Variants in FRMD4A observed in about 807,000 individuals in gnomAD.
The protein encoded by FRMD4A is FERM domain containing 4A, also known as FERM domain-containing protein 4A.
A neutral mutation model predicts 129.1 loss-of-function variants in FRMD4A; 29 were observed. The ratio of observed to expected loss-of-function variants is 0.22; its 90% CI spans 0.17 to 0.31. The LOEUF (loss-of-function observed/expected upper bound fraction) is 0.31. Among genes scored for constraint, FRMD4A ranks in the 10% least tolerant of loss-of-function variants. The probability of loss-of-function intolerance (pLI) is 1.00; values close to 1 mark genes in which losing one functional copy is unlikely to be tolerated. For synonymous variants in FRMD4A, 634 were observed against 571.6 expected (o/e 1.11, Z -1.56); for missense variants, 1,272 against 1,375.8 (o/e 0.92, Z 1.19).
At chr10:14,227,879 A>T (rs1218648916) in intron 2 of FRMD4A, among the ~76,000 whole-genome samples, 3 of 149,642 alleles carry the variant, frequency 2.0e-5, no homozygotes, top group Non-Finnish European at 4.5e-5. Context: ...TCTGGCCAGA[A>T]TTTTTTTTTT....
At chr10:13,968,518 T>C (rs2095498800) in intron 2 of FRMD4A, among the ~76,000 whole-genome samples, 2 of 152,252 alleles carry the variant, frequency 1.3e-5, no homozygotes, top group Admixed American at 1.3e-4. Context: ...AATGGTGCGA[T>C]CTCAGCTCAC....
At chr10:14,241,073 G>A (rs764272167) in intron 2 of FRMD4A, among the ~76,000 whole-genome samples, 2 of 152,108 alleles carry the variant, frequency 1.3e-5, no homozygotes, top group Middle Eastern at 3.2e-3. Flanking sequence ...CTGTTCTGTT[G>A]GCTATTAATT....
chr10:14,326,805 T>C (rs1193091251), intron 2 of FRMD4A: 1 of 398,472 alleles, frequency 2.5e-6, no homozygotes, highest in African/African-American at 2.1e-5. Flanking sequence ...CTACAATTAG[T>C]CACATCAATC....
At chr10:13,675,309 C>T (rs1384011955) in intron 15 of FRMD4A, among the ~76,000 whole-genome samples, 1 of 152,182 alleles carries the variant, frequency 6.6e-6, no homozygotes, top group Non-Finnish European at 1.5e-5. Context: ...TAAGAAATGT[C>T]ACATACCTTT....
chr10:13,849,880 C>T (rs925806065), intron 3 of FRMD4A, among the ~76,000 whole-genome samples: 2 of 151,538 alleles, frequency 1.3e-5, no homozygotes, highest in Non-Finnish European at 1.5e-5. Flanking sequence ...ATAGAGAATC[C>T]AAGTTTAGGC....
intron 3 of FRMD4A, among the ~76,000 whole-genome samples, chr10:13,819,503 A>G (rs1295786976): frequency 6.6e-6 from 1 of 152,056 alleles, no homozygotes; most frequent in Non-Finnish European, 1.5e-5. Context: ...CACTTGGCAC[A>G]TGTGCTCTTG....
chr10:13,785,835 G>A (rs1398561625), intron 5 of FRMD4A, among the ~76,000 whole-genome samples: 1 of 149,316 alleles, frequency 6.7e-6, no homozygotes, highest in Non-Finnish European at 1.5e-5. Context: ...AGTGTTCTCA[G>A]TGTTCAATTG....
chr10:14,016,030 T>G (rs1207080922), intron 2 of FRMD4A, among the ~76,000 whole-genome samples: 1 of 152,202 alleles, frequency 6.6e-6, no homozygotes, highest in Non-Finnish European at 1.5e-5. Flanking sequence ...TAACTTTTGC[T>G]TATTGGAAGA....
At chr10:13,882,652 G>T (rs1369192220) in intron 2 of FRMD4A, among the ~76,000 whole-genome samples, 1 of 152,196 alleles carries the variant, frequency 6.6e-6, no homozygotes, top group Non-Finnish European at 1.5e-5. Flanking sequence ...GCACAGGACA[G>T]ATGCCATGTG....
chr10:13,761,922 C>T (rs1324616803), intron 7 of FRMD4A, among the ~76,000 whole-genome samples: 2 of 152,162 alleles, frequency 1.3e-5, no homozygotes, highest in Non-Finnish European at 2.9e-5. Flanking sequence ...ATGCACATCT[C>T]CACCTCTAAG....
At chr10:13,850,073 G>T (rs1016113637) in intron 3 of FRMD4A, among the ~76,000 whole-genome samples, 3 of 151,932 alleles carry the variant, frequency 2.0e-5, no homozygotes, top group Admixed American at 6.6e-5. Context: ...GGAGGCTGAG[G>T]CAGGAGAAGC....
intron 2 of FRMD4A, among the ~76,000 whole-genome samples, chr10:14,221,338 C>G (rs542354255): frequency 6.6e-6 from 1 of 152,212 alleles, no homozygotes; most frequent in South Asian, 2.1e-4. Flanking sequence ...GGAAGGGAGC[C>G]AAGGGGAGAG....
intron 19 of FRMD4A, among the ~76,000 whole-genome samples, chr10:13,661,789 A>G (rs2134675135): frequency 6.6e-6 from 1 of 152,162 alleles, no homozygotes. Context: ...GGTGGAGGGG[A>G]AAAAAGCACA....
chr10:13,999,187 A>G (rs1456795160), intron 2 of FRMD4A, among the ~76,000 whole-genome samples: 1 of 151,984 alleles, frequency 6.6e-6, no homozygotes, highest in Non-Finnish European at 1.5e-5. Context: ...TGAGAGCCAC[A>G]TTATATAACC....
chr10:13,658,302 G>T (rs2082349284), intron 21 of FRMD4A, among the ~76,000 whole-genome samples: 1 of 152,144 alleles, frequency 6.6e-6, no homozygotes, highest in Non-Finnish European at 1.5e-5. Flanking sequence ...GAAATAGAAG[G>T]TTGGTGGCAA....
At chr10:14,018,993 G>A (rs976462474) in intron 2 of FRMD4A, among the ~76,000 whole-genome samples, 6 of 152,080 alleles carry the variant, frequency 3.9e-5, no homozygotes, top group African/African-American at 1.2e-4. Flanking sequence ...TCAATAACAC[G>A]CACATTTACT....
chr10:13,674,389 G>C (rs2083787321), intron 16 of FRMD4A, among the ~76,000 whole-genome samples: 1 of 152,136 alleles, frequency 6.6e-6, no homozygotes, highest in South Asian at 2.1e-4. Flanking sequence ...ATCATCATTG[G>C]GACTTGTCGC....
At position 13,646,669 on chromosome 10, in the gene FRMD4A, C is replaced by T. The variant is rs1422586096; in HGVS notation, c.*369G>A. The stretch of plus-strand genomic sequence containing the variant: ...GTTCCTGGCCTAGGGGCTGTCATGG[C>T]AGAGGGAAGCCACCAAGGTGCCATT... On this transcript the variant is annotated 3_prime_UTR_variant, in exon 25 of 25. Coordinates refer to ENST00000357447, the MANE Select transcript of FRMD4A (RefSeq NM_018027.5). 6.5e-6 allele frequency: 1 copy of T among 152,798 alleles called. No homozygotes were observed. Among genetic ancestry groups the T allele is most frequent in the East Asian group, 1.9e-4 (1 of 5,198 alleles). The allele number at this position is 152,798 out of a possible 1,614,324, so 9.5% of individuals were successfully genotyped here.
chr10:13,721,168 G>C (rs919831931), intron 12 of FRMD4A, among the ~76,000 whole-genome samples: 2 of 152,114 alleles, frequency 1.3e-5, no homozygotes, highest in Non-Finnish European at 2.9e-5. Context: ...CAGATCACAA[G>C]ACAGTCTTTG....
Sources: allele counts gnomAD v4.1 joint callset (sites outside exome capture counted in the v4.1 genomes callset), GRCh38; gene constraint gnomAD v4.1.1; transcripts MANE v1.5; gene names NCBI Gene and HGNC (gene_info 2026-07-23, HGNC 2026-07-21).